Variants in PRKG1 observed in about 807,000 individuals in gnomAD.
PRKG1 encodes the protein cGMP-dependent protein kinase 1.
In PRKG1, 35 loss-of-function variants were observed where a neutral mutation model predicts 88.1. That is an observed-to-expected ratio of 0.40 (90% CI 0.30 to 0.53). The LOEUF (loss-of-function observed/expected upper bound fraction) is 0.53, where lower values mean the gene tolerates loss of function less well. Among genes scored for constraint, PRKG1 ranks in the 20% least tolerant of loss-of-function variants. PRKG1 has a pLI of 0.59. For missense variants in PRKG1, 540 were observed against 839.8 expected (o/e 0.64, Z 4.41); for synonymous variants, 303 against 292.5 (o/e 1.04, Z -0.37).
At chr10:51,998,527 T>G (rs1844511622) in intron 5 of PRKG1, among the ~76,000 whole-genome samples, 1 of 152,188 alleles carries the variant, frequency 6.6e-6, no homozygotes, top group South Asian at 2.1e-4. Context: ...TCTACTGTAT[T>G]TAGTTGTTTC....
chr10:51,855,098 G>C (rs139265959), intron 4 of PRKG1, among the ~76,000 whole-genome samples: 1 of 152,120 alleles, frequency 6.6e-6, no homozygotes, highest in Non-Finnish European at 1.5e-5. Flanking sequence ...GCATAATGTC[G>C]TAAAAGGTTA....
At chr10:51,548,834 AAG>A (rs1842507686) in intron 3 of PRKG1, among the ~76,000 whole-genome samples, 1 of 152,108 alleles carries the variant, frequency 6.6e-6, no homozygotes, top group Non-Finnish European at 1.5e-5. Context: ...ATAAAACTAC[AAG>A]AGTTTGTTGG....
chr10:51,824,202 A>G (rs933251614), intron 4 of PRKG1, among the ~76,000 whole-genome samples: 4 of 152,102 alleles, frequency 2.6e-5, no homozygotes, highest in Non-Finnish European at 4.4e-5. Flanking sequence ...TATCCATATG[A>G]TAAATTCCTT....
chr10:51,122,357 T>C (rs1156632131), intron 1 of PRKG1, among the ~76,000 whole-genome samples: 2 of 152,110 alleles, frequency 1.3e-5, no homozygotes, highest in Non-Finnish European at 2.9e-5. Flanking sequence ...GGACACAATA[T>C]CAACACAGCA....
chr10:52,285,871 A>C (rs1842106414), intron 14 of PRKG1, among the ~76,000 whole-genome samples: 1 of 152,032 alleles, frequency 6.6e-6, no homozygotes. Context: ...AGCAAGGGAG[A>C]TAGTAGACAG....
chr10:51,611,720 G>A (rs935004217), intron 3 of PRKG1, among the ~76,000 whole-genome samples: 6 of 149,954 alleles, frequency 4.0e-5, no homozygotes, highest in Non-Finnish European at 5.9e-5. Flanking sequence ...CTAGACCAAT[G>A]TCCTAAAGAG....
rs796985521 is a variant in PRKG1 at position 51,298,141 on chromosome 10, TATCCA to T, written c.478+144812_478+144816del. Reference sequence around the variant, plus strand: ...CAATGGTGTGTAAAGAAACTAATATTATCCATTTTATAGATGATAAATTCATGATT... The same window carrying T: ...CAATGGTGTGTAAAGAAACTAATATTTTTTATAGATGATAAATTCATGATT... On this transcript the variant is annotated intron_variant, in intron 2 of 17. Transcript: ENST00000373980. Among the ~76,000 whole-genome samples, 74 of 152,268 alleles carry T rather than the reference TATCCA, an allele frequency of 4.9e-4. 1 individual carries two copies. The highest frequency in any genetic ancestry group is 1.6e-3 in the African/African-American group (66 of 41,572).
intron 1 of PRKG1, 56 bp from the exon 2 acceptor site, chr10:51,153,108 C>G: frequency 6.5e-7 from 1 of 1,526,728 alleles, no homozygotes; most frequent in Non-Finnish European, 8.9e-7. Context: ...CTAAACCTCA[C>G]AAACTATGAA....
chr10:51,179,664 C>G (rs1837294863), intron 2 of PRKG1, among the ~76,000 whole-genome samples: 1 of 152,152 alleles, frequency 6.6e-6, no homozygotes, highest in Non-Finnish European at 1.5e-5. Context: ...GGATTATGGA[C>G]AAATAACCCT....
intron 1 of PRKG1, among the ~76,000 whole-genome samples, chr10:51,137,072 A>T (rs1845704438): frequency 6.6e-6 from 1 of 152,040 alleles, no homozygotes; most frequent in African/African-American, 2.4e-5. Context: ...TTTTTGGTAG[A>T]GACGGGGTTT....
intron 3 of PRKG1, among the ~76,000 whole-genome samples, chr10:51,651,132 T>A (rs1840028657): frequency 6.6e-6 from 1 of 152,090 alleles, no homozygotes; most frequent in African/African-American, 2.4e-5. Flanking sequence ...CCTCAGAATA[T>A]CAATACTATA....
At chr10:51,553,864 ATATG>A (rs1011200649) in intron 3 of PRKG1, among the ~76,000 whole-genome samples, 2 of 113,182 alleles carry the variant, frequency 1.8e-5, no homozygotes, top group African/African-American at 3.4e-5. Context: ...TGTATATAAT[ATATG>A]TATGTATTAG....
chr10:52,266,889 A>C (rs112420474), intron 10 of PRKG1, among the ~76,000 whole-genome samples: 45 of 152,210 alleles, frequency 3.0e-4, no homozygotes, highest in Non-Finnish European at 5.3e-4. Context: ...ACAGTCTTCA[A>C]AGGAAGACAA....
intron 1 of PRKG1, among the ~76,000 whole-genome samples, chr10:51,021,365 T>G (rs1843133999): frequency 6.6e-6 from 1 of 152,166 alleles, no homozygotes; most frequent in Non-Finnish European, 1.5e-5. Context: ...TACCAAAGAA[T>G]AGCCCACCCT....
intron 5 of PRKG1, among the ~76,000 whole-genome samples, chr10:52,029,543 T>C (rs1845427274): frequency 6.6e-6 from 1 of 152,176 alleles, no homozygotes; most frequent in Non-Finnish European, 1.5e-5. Flanking sequence ...AAGTACAATC[T>C]CAAAGTCGAT....
intron 2 of PRKG1, among the ~76,000 whole-genome samples, chr10:51,204,005 G>A (rs1019422808): frequency 6.6e-6 from 1 of 152,116 alleles, no homozygotes; most frequent in Non-Finnish European, 1.5e-5. Context: ...ATAAGAAATA[G>A]GAAAGAAAAG....
rs546933679 is a variant in PRKG1 at position 51,436,346 on chromosome 10, G to A, written c.479-31377G>A. ...TGTTTGTGTTTTAGCAGACATAGAC[G>A]TCTCCCAATTACACTTTTGTATTCT... On this transcript the variant is annotated intron_variant, in intron 2 of 17. Transcript: ENST00000373980. 2.6e-5 allele frequency among the ~76,000 whole-genome samples: 4 copies of A among 152,034 alleles called. No individual in the cohort carries two copies. The East Asian group carries it at 5.8e-4, about 22-fold the overall frequency.
intron 2 of PRKG1, among the ~76,000 whole-genome samples, chr10:51,453,501 A>C (rs999045357): frequency 6.6e-6 from 1 of 151,944 alleles, no homozygotes; most frequent in Non-Finnish European, 1.5e-5. Flanking sequence ...AAAGGTTTTG[A>C]TAAGTTGTGT....
Position 51,079,783 on chromosome 10 carries a change from A to G in PRKG1, c.311+4882A>G, listed in dbSNP as rs116338177. Among the ~76,000 whole-genome samples the G allele has an allele frequency of 2.7e-3, 408 of 152,208 alleles. 1 individual carries two copies. The highest frequency in any genetic ancestry group is 9.2e-3 in the African/African-American group (383 of 41,516). On this transcript the variant is annotated intron_variant, in intron 1 of 17. Transcript: ENST00000373980. ...TCAGTTCAGCTTTCTTACCCCCACC[A>G]TCACAGTCCTGTTAATAGTCGTAAC...
Sources: allele counts gnomAD v4.1 joint callset (sites outside exome capture counted in the v4.1 genomes callset), GRCh38; gene constraint gnomAD v4.1.1; transcripts MANE v1.5; gene names NCBI Gene and HGNC (gene_info 2026-07-23, HGNC 2026-07-21).